Variants in CSMD1 observed in about 807,000 individuals in gnomAD.
CSMD1 encodes CUB and sushi domain-containing protein 1.
CSMD1 carries 213 observed loss-of-function variants against 417.5 expected under a neutral mutation model. The ratio of observed to expected loss-of-function variants is 0.51; its 90% CI spans 0.46 to 0.57. CSMD1 has a LOEUF of 0.57. CSMD1 is among the 20% of genes least tolerant of loss of function. CSMD1 has a pLI of 0.00. For missense variants in CSMD1, 6,923 were observed against 4,529.7 expected, an observed-to-expected ratio of 1.53 and a Z score of -15.17; for synonymous variants, 2,862 against 1,736.8, an observed-to-expected ratio of 1.65 and a Z score of -16.11.
At chr8:3,369,550 T>C (rs981719070) in intron 18 of CSMD1, among the ~76,000 whole-genome samples, 180 bp from the exon 19 acceptor site, 2 of 152,198 alleles carry the variant, frequency 1.3e-5, no homozygotes, top group Non-Finnish European at 2.9e-5. Flanking sequence ...CTAGTTCATA[T>C]GAAGGGATCT....
chr8:4,637,881 A>G (rs2130860373), intron 1 of CSMD1, among the ~76,000 whole-genome samples: 1 of 151,480 alleles, frequency 6.6e-6, no homozygotes, highest in South Asian at 2.1e-4. Flanking sequence ...CTTGTTAGCC[A>G]GGATGGTCTC....
chr8:3,793,621 C>A (rs930374194), intron 5 of CSMD1, among the ~76,000 whole-genome samples: 2 of 152,076 alleles, frequency 1.3e-5, no homozygotes. Flanking sequence ...CCCAAATGTC[C>A]CCCAGAAGCC....
intron 10 of CSMD1, among the ~76,000 whole-genome samples, chr8:3,495,547 T>C (rs1039184437): frequency 6.6e-6 from 1 of 152,200 alleles, no homozygotes; most frequent in Non-Finnish European, 1.5e-5. Flanking sequence ...GGTCCTGTTG[T>C]CAAACACCAA....
intron 26 of CSMD1, among the ~76,000 whole-genome samples, chr8:3,274,322 T>C (rs1381700899): frequency 6.6e-6 from 1 of 152,202 alleles, no homozygotes; most frequent in African/African-American, 2.4e-5. Flanking sequence ...TTCTTTTATA[T>C]TTGCTGAGGA....
intron 8 of CSMD1, among the ~76,000 whole-genome samples, chr8:3,613,730 C>CACAT (rs1421881036): frequency 1.5e-5 from 2 of 136,742 alleles, no homozygotes; most frequent in East Asian, 3.9e-4. Context: ...CACACACACA[C>CACAT]ACACACACCT....
intron 2 of CSMD1, among the ~76,000 whole-genome samples, chr8:4,435,309 T>C (rs1163258423): frequency 1.3e-5 from 2 of 152,190 alleles, no homozygotes; most frequent in Non-Finnish European, 2.9e-5. Flanking sequence ...CACAGCCAAA[T>C]GTGACACAGG....
chr8:4,070,520 G>A (rs895659977), intron 3 of CSMD1, among the ~76,000 whole-genome samples: 1 of 152,032 alleles, frequency 6.6e-6, no homozygotes. Flanking sequence ...ACCACGGCCG[G>A]CTATTTTTTT....
rs1442556122 is a variant in CSMD1 at position 4,324,038 on chromosome 8, C to T, written c.415+95915G>A. Among the ~76,000 whole-genome samples the T allele has an allele frequency of 2.6e-5, 4 of 152,140 alleles. No homozygotes were observed. The South Asian group carries it at 6.2e-4, about 24-fold the overall frequency. On this transcript the variant is annotated intron_variant, in intron 3 of 69. Transcript: ENST00000635120. ...CAGCCACACCCTTAGCAGGCCAGTT[C>T]CTCTGTGTAGTTCAAATTTACCCGA...
intron 3 of CSMD1, among the ~76,000 whole-genome samples, chr8:4,397,433 A>G (rs1202710926): frequency 2.0e-5 from 3 of 151,870 alleles, no homozygotes; most frequent in Non-Finnish European, 4.4e-5. Flanking sequence ...GAACATGGAA[A>G]TGAAGAAAGC....
rs1197369977 is a variant in CSMD1 at position 4,572,625 on chromosome 8, G to A, written c.302+64717C>T. ...GTTGCTCTTCTCAAGGAGTATCTGA[G>A]CGGTGTTCTCTGTATTTCCTGAATT... On this transcript the variant is annotated intron_variant, in intron 2 of 69. Transcript: ENST00000635120. Among the ~76,000 whole-genome samples, 6 of 152,088 alleles carry A rather than the reference G, an allele frequency of 3.9e-5. No individual in the cohort carries two copies. In the East Asian group the frequency reaches 7.7e-4, roughly 20 times the overall value.
At chr8:4,289,742 G>C (rs916290135) in intron 3 of CSMD1, among the ~76,000 whole-genome samples, 10 of 152,162 alleles carry the variant, frequency 6.6e-5, no homozygotes, top group Middle Eastern at 3.2e-3. Flanking sequence ...GTAATGCATT[G>C]TGAATAAAAC....
intron 1 of CSMD1, among the ~76,000 whole-genome samples, chr8:4,832,130 ATC>A (rs1323319809): frequency 6.6e-6 from 1 of 152,176 alleles, no homozygotes; most frequent in African/African-American, 2.4e-5. Context: ...ACTGGCATGT[ATC>A]TCTGTTTTCC....
intron 2 of CSMD1, among the ~76,000 whole-genome samples, chr8:4,588,645 C>A (rs571756000): frequency 6.6e-6 from 1 of 151,850 alleles, no homozygotes; most frequent in Non-Finnish European, 1.5e-5. Context: ...ATTAGCCGGG[C>A]GTGGTGGCGG....
rs568993849 is a variant in CSMD1, at chr8:4,471,731, G to A, written c.303-51666C>T. ...CTTCAAAGAAAAATGCAGCAAACACGCGGAGAAAAGAAGTTAGACCCATTT... is the reference window on the plus strand; with the variant it reads ...CTTCAAAGAAAAATGCAGCAAACACACGGAGAAAAGAAGTTAGACCCATTT... On this transcript the variant is annotated intron_variant, in intron 2 of 69. Coordinates refer to ENST00000635120, the MANE Select transcript of CSMD1 (RefSeq NM_033225.6). Among the ~76,000 whole-genome samples the A allele has an allele frequency of 1.1e-4, 13 of 122,778 alleles. No homozygotes were observed. The East Asian group carries it at 1.2e-3, about 11-fold the overall frequency. The allele number at this position is 122,778 out of a possible 152,430, so 80.5% of individuals were successfully genotyped here. A position where few individuals can be genotyped will look rare whatever the true frequency, so the allele number is the denominator to read the frequency against.
chr8:3,858,037 G>C (rs1283081276), intron 5 of CSMD1, among the ~76,000 whole-genome samples: 1 of 152,214 alleles, frequency 6.6e-6, no homozygotes, highest in Non-Finnish European at 1.5e-5. Context: ...GGAAAAATTA[G>C]TGATTATGTG....
At chr8:4,598,703 A>G (rs1319278104) in intron 2 of CSMD1, among the ~76,000 whole-genome samples, 1 of 152,218 alleles carries the variant, frequency 6.6e-6, no homozygotes, top group African/African-American at 2.4e-5. Flanking sequence ...ATAAGCATTA[A>G]TTAGTGCCAG....
intron 1 of CSMD1, among the ~76,000 whole-genome samples, chr8:4,681,576 A>C (rs1013484810): frequency 7.9e-5 from 12 of 152,274 alleles, no homozygotes; most frequent in African/African-American, 2.6e-4. Flanking sequence ...CTTGCTATTG[A>C]AAATACGACG....
intron 2 of CSMD1, among the ~76,000 whole-genome samples, chr8:4,526,074 G>T (rs1375542880): frequency 1.3e-5 from 2 of 152,004 alleles, no homozygotes; most frequent in African/African-American, 4.8e-5. Flanking sequence ...CATTTTCCCT[G>T]GGACACATTT....
intron 2 of CSMD1, among the ~76,000 whole-genome samples, chr8:4,632,176 G>C (rs536270476): frequency 2.6e-5 from 4 of 152,264 alleles, no homozygotes; most frequent in African/African-American, 4.8e-5. Flanking sequence ...CACAGTGGCA[G>C]GGATGAGTTG....
Sources: gnomAD v4.1 joint callset for allele counts (sites outside exome capture counted in the v4.1 genomes callset) on GRCh38, gnomAD v4.1.1 for gene constraint, MANE v1.5 for transcripts, NCBI Gene and HGNC (gene_info 2026-07-23, HGNC 2026-07-21) for gene names.